The following C1orf146 variants were observed in gnomAD, a reference collection of about 807,000 sequenced individuals.
C1orf146 encodes protein SPO16 homolog.
Under a neutral mutation model 23.0 loss-of-function variants are expected in C1orf146, and 22 were observed. That is an observed-to-expected ratio of 0.96 (90% CI 0.68 to 1.36). The LOEUF is 1.36. C1orf146 is among the 40% of genes most tolerant of loss of function. The pLI, the probability that C1orf146 is intolerant of heterozygous loss-of-function variation, is 0.00. For synonymous variants in C1orf146, 59 were observed against 65.3 expected, an observed-to-expected ratio of 0.90 and a Z score of 0.47; for missense variants, 199 against 206.8, an observed-to-expected ratio of 0.96 and a Z score of 0.23.
intron 1 of C1orf146, among the ~76,000 whole-genome samples, chr1:92,229,994 A>G (rs1462066190): frequency 6.6e-6 from 1 of 152,178 alleles, no homozygotes; most frequent in Admixed American, 6.5e-5. Flanking sequence ...TACGTATACT[A>G]TAAACTTTAG....
intron 1 of C1orf146, among the ~76,000 whole-genome samples, chr1:92,221,035 T>C (rs1651805784): frequency 6.6e-6 from 1 of 152,194 alleles, no homozygotes; most frequent in Non-Finnish European, 1.5e-5. Flanking sequence ...TTGCAGAATA[T>C]ATAAGATGCC....
intron 2 of C1orf146, among the ~76,000 whole-genome samples, chr1:92,241,868 G>A (rs758834596): frequency 3.9e-5 from 6 of 152,104 alleles, no homozygotes; most frequent in Admixed American, 6.5e-5. Context: ...TAAAGTCAGC[G>A]TGGGCAACAA....
At chr1:92,222,535 GT>G in intron 1 of C1orf146, among the ~76,000 whole-genome samples, 15,512 of 60,582 alleles carry the variant, frequency 0.26, 1,272 homozygotes, top group East Asian at 0.62. Context: ...CCCTTCTTCG[GT>G]TTTTTTTTTT....
At position 92,226,097 on chromosome 1, in the gene C1orf146, A is replaced by G. The variant is rs571945362; in HGVS notation, c.-39-5285A>G. Among the ~76,000 whole-genome samples the G allele has an allele frequency of 6.6e-5, 10 of 152,338 alleles. No homozygotes were observed. In the East Asian group the frequency reaches 1.7e-3, roughly 26 times the overall value. ...ATTTTTAGTACATCCACTGTGAGGTACAACCGTCACCACTATTAAGTCTGC... is the reference window on the plus strand; with the variant it reads ...ATTTTTAGTACATCCACTGTGAGGTGCAACCGTCACCACTATTAAGTCTGC... On this transcript the variant is annotated intron_variant, in intron 1 of 5. Coordinates refer to ENST00000370375, the MANE Select transcript of C1orf146 (RefSeq NM_001012425.2).
rs540124872 is a variant in C1orf146 at position 92,244,675 on chromosome 1, A to G, written c.330-104A>G. The G allele has an allele frequency of 1.2e-4, 92 of 757,618 alleles. 1 individual carries two copies. The highest frequency in any genetic ancestry group is 1.9e-5 in the South Asian group (1 of 53,874). The allele number at this position is 757,618 out of a possible 1,614,324, so 46.9% of individuals were successfully genotyped here. A position where few individuals can be genotyped will look rare whatever the true frequency, so the allele number is the denominator to read the frequency against. ...GTGGAGTAAGGCAGGGCATGAATGC[A>G]TAGACAAATAACAAACAATAGAGAT... On this transcript the variant is annotated intron_variant, in intron 4 of 5. Transcript: ENST00000370375.
At chr1:92,237,110 A>G (rs962220927) in intron 2 of C1orf146, among the ~76,000 whole-genome samples, 6 of 152,204 alleles carry the variant, frequency 3.9e-5, no homozygotes, top group Non-Finnish European at 8.8e-5. Flanking sequence ...TCAACTCGTT[A>G]AAGTCATTCT....
chr1:92,230,490 C>A lies in C1orf146; in HGVS notation c.-39-892C>A, dbSNP rs146819176. ...GATTAGCTGGGTGTGGTGGGGGGCG[C>A]CTGTGTTTCCAGCTACTTGGGAGGC... On this transcript the variant is annotated intron_variant, in intron 1 of 5. Coordinates refer to ENST00000370375, the MANE Select transcript of C1orf146 (RefSeq NM_001012425.2). Among the ~76,000 whole-genome samples, 1,071 of 151,970 alleles carry A rather than the reference C, an allele frequency of 7.0e-3. 14 individuals are homozygous for A. Among genetic ancestry groups the A allele is most frequent in the African/African-American group, 0.025 (1,029 of 41,412 alleles).
intron 1 of C1orf146, chr1:92,229,529 T>G: frequency 2.5e-6 from 1 of 404,716 alleles, no homozygotes; most frequent in South Asian, 2.1e-5. Context: ...GAAGTTTGGC[T>G]AACTTTTCTT....
At chr1:92,232,474 G>A (rs9440267) in intron 2 of C1orf146, among the ~76,000 whole-genome samples, 71,816 of 151,594 alleles carry the variant, frequency 0.47, 18,031 homozygotes, top group East Asian at 0.96. Context: ...ATTCCATGGT[G>A]TATATGTGCC....
At chr1:92,230,615 CAA>C (rs758993794) in intron 1 of C1orf146, among the ~76,000 whole-genome samples, 5 of 123,266 alleles carry the variant, frequency 4.1e-5, no homozygotes, top group African/African-American at 5.9e-5. Context: ...GATTCCGTCT[CAA>C]AAAAAAAAAA....
intron 1 of C1orf146, among the ~76,000 whole-genome samples, chr1:92,218,861 G>A (rs767237816): frequency 9.9e-5 from 15 of 152,146 alleles, no homozygotes; most frequent in Admixed American, 1.3e-4. Flanking sequence ...GCTGCTGGTC[G>A]AGGAGCTTTT....
intron 2 of C1orf146, among the ~76,000 whole-genome samples, chr1:92,238,767 T>C (rs1652357344): frequency 6.6e-6 from 1 of 152,218 alleles, no homozygotes; most frequent in Non-Finnish European, 1.5e-5. Context: ...TGTGTATACC[T>C]TACACACTCA....
intron 1 of C1orf146, among the ~76,000 whole-genome samples, chr1:92,223,371 T>C (rs546225995): frequency 6.6e-6 from 1 of 152,348 alleles, no homozygotes; most frequent in Admixed American, 6.5e-5. Context: ...TGTAGTGGTA[T>C]CTTGTAGCTT....
chr1:92,241,016 G>A, intron 2 of C1orf146: 1 of 416,208 alleles, frequency 2.4e-6, no homozygotes, highest in Admixed American at 3.0e-5. Flanking sequence ...CATTTTAAAA[G>A]TATACTAAAG....
chr1:92,222,535 GTTTTTTTTTTT>G, intron 1 of C1orf146, among the ~76,000 whole-genome samples: 1 of 60,582 alleles, frequency 1.7e-5, no homozygotes, highest in African/African-American at 7.1e-5. Context: ...CCCTTCTTCG[GTTTTTTTTTTT>G]TTTTTTTTTT....
At chr1:92,244,119 CAT>C (rs1161494230) in intron 3 of C1orf146, 96 bp from the exon 4 acceptor site, 24 of 657,918 alleles carry the variant, frequency 3.6e-5, no homozygotes, top group East Asian at 2.5e-4. Flanking sequence ...GGCTTGGACA[CAT>C]GTGGTATACT....
At chr1:92,234,494 G>A (rs1316380162) in intron 2 of C1orf146, among the ~76,000 whole-genome samples, 1 of 152,180 alleles carries the variant, frequency 6.6e-6, no homozygotes, top group Non-Finnish European at 1.5e-5. Context: ...TTTTTGATGT[G>A]CTGCTGCATT....
At position 92,244,100 on chromosome 1, in the gene C1orf146, T is replaced by C. The variant is rs1652503391; in HGVS notation, c.161-117T>C. The C allele has an allele frequency of 6.1e-6, 4 of 652,806 alleles. No individual in the cohort carries two copies. The East Asian group carries it at 7.9e-5, about 13-fold the overall frequency. 40.4% of individuals were successfully genotyped at this position (652,806 alleles called of 1,614,324 possible). A position where few individuals can be genotyped will look rare whatever the true frequency, so the allele number is the denominator to read the frequency against. On this transcript the variant is annotated intron_variant, in intron 3 of 5. Transcript: ENST00000370375. The stretch of plus-strand genomic sequence containing the variant: ...CCATTATAGTACTTTCTATTCCTTA[T>C]GAGTTTAGGGCTTGGACACATGTGG...
intron 1 of C1orf146, among the ~76,000 whole-genome samples, chr1:92,221,692 A>G (rs541800822): frequency 3.9e-5 from 6 of 152,336 alleles, no homozygotes; most frequent in Non-Finnish European, 8.8e-5. Context: ...ATTTTTCACT[A>G]TGCATAACAA....
Sources: allele counts gnomAD v4.1 joint callset (sites outside exome capture counted in the v4.1 genomes callset), GRCh38; gene constraint gnomAD v4.1.1; transcripts MANE v1.5; gene names NCBI Gene and HGNC (gene_info 2026-07-23, HGNC 2026-07-21).